Variants in PTK2 observed in about 807,000 individuals in gnomAD.
PTK2 encodes the protein focal adhesion kinase 1.
PTK2 carries 45 observed loss-of-function variants against 150.1 expected under a neutral mutation model. That is an observed-to-expected ratio of 0.30 (90% CI 0.24 to 0.38). The LOEUF (loss-of-function observed/expected upper bound fraction) is 0.38, where lower values mean the gene tolerates loss of function less well. Ranked by LOEUF, PTK2 falls within the 10% of genes least tolerant of loss-of-function variation. The pLI, the probability that PTK2 is intolerant of heterozygous loss-of-function variation, is 1.00. For missense variants in PTK2, 919 were observed against 1,307.3 expected (o/e 0.70, Z 4.58); for synonymous variants, 432 against 449.2 (o/e 0.96, Z 0.48).
At chr8:140,965,800 C>T (rs1442111185) in intron 1 of PTK2, among the ~76,000 whole-genome samples, 1 of 152,182 alleles carries the variant, frequency 6.6e-6, no homozygotes, top group African/African-American at 2.4e-5. Context: ...TCACTCGAAT[C>T]CAGGAGGAAG....
chr8:140,912,543 A>G (rs776547964), intron 2 of PTK2, among the ~76,000 whole-genome samples: 50 of 152,142 alleles, frequency 3.3e-4, no homozygotes, highest in Non-Finnish European at 5.3e-4. Context: ...AGAAAAACTC[A>G]TATGAGCAAC....
intron 16 of PTK2, among the ~76,000 whole-genome samples, chr8:140,759,529 C>CT (rs991099039): frequency 9.3e-5 from 3 of 32,118 alleles, no homozygotes; most frequent in Non-Finnish European, 1.4e-4. Flanking sequence ...AGACCCTGTC[C>CT]TAAAAAAAAA....
intron 2 of PTK2, among the ~76,000 whole-genome samples, chr8:140,898,952 GCT>G (rs973440660): frequency 3.3e-5 from 5 of 152,304 alleles, no homozygotes; most frequent in Admixed American, 3.3e-4. Context: ...AACTTGAAGA[GCT>G]TTAAGAATCT....
At chr8:140,686,591 G>A in intron 27 of PTK2, 41 bp downstream of exon 30, 2 of 1,536,934 alleles carry the variant, frequency 1.3e-6, no homozygotes, top group Non-Finnish European at 1.8e-6. Context: ...TCCACGCACA[G>A]GAGAACTGGA....
Position 140,711,322 on chromosome 8 carries a change from G to A in PTK2, c.2143-5117C>T, listed in dbSNP as rs543821626. Among the ~76,000 whole-genome samples the A allele has an allele frequency of 8.5e-5, 13 of 152,306 alleles. No individual in the cohort carries two copies. The South Asian group carries it at 2.7e-3, about 32-fold the overall frequency. ...GGGTTTCGCCATGTTGCCCAGGCTGGTCTCGAACTACTGGCCTCAAGTGAT... is the reference window on the plus strand; with the variant it reads ...GGGTTTCGCCATGTTGCCCAGGCTGATCTCGAACTACTGGCCTCAAGTGAT... On this transcript the variant is annotated intron_variant, in intron 23 of 31. Coordinates refer to ENST00000522684, the Ensembl canonical transcript of PTK2.
intron 10 of PTK2, among the ~76,000 whole-genome samples, chr8:140,808,599 T>A (rs770725095): frequency 6.6e-6 from 1 of 152,102 alleles, no homozygotes; most frequent in Non-Finnish European, 1.5e-5. Context: ...TAAGCCAATA[T>A]GAAATTTTTG....
At chr8:140,675,542 C>A (rs6998337) in intron 27 of PTK2, 43 bp from the exon 31 acceptor site, 1,167,638 of 1,470,176 alleles carry the variant, frequency 0.79, 466,486 homozygotes, top group African/African-American at 0.86. Context: ...GGTATATACA[C>A]TTGGGCAATG....
chr8:140,780,128 G>A (rs886899622), intron 14 of PTK2, among the ~76,000 whole-genome samples: 1 of 152,152 alleles, frequency 6.6e-6, no homozygotes, highest in Non-Finnish European at 1.5e-5. Flanking sequence ...TGCTCCCGAG[G>A]GTAATGAAGC....
intron 23 of PTK2, among the ~76,000 whole-genome samples, chr8:140,716,538 C>T (rs954729332): frequency 1.2e-4 from 18 of 152,194 alleles, no homozygotes; most frequent in Non-Finnish European, 8.8e-5. Flanking sequence ...CACCCTCTGT[C>T]TCTAAACTTC....
At chr8:140,739,225 T>G in intron 20 of PTK2, 118 bp from the exon 24 acceptor site, 1 of 558,020 alleles carries the variant, frequency 1.8e-6, no homozygotes, top group Non-Finnish European at 2.9e-6. Context: ...CCCTTGAGGC[T>G]TCCATTTATT....
intron 31 of PTK2, among the ~76,000 whole-genome samples, chr8:140,662,284 C>CA (rs1335831399): frequency 6.7e-6 from 1 of 150,280 alleles, no homozygotes; most frequent in Non-Finnish European, 1.5e-5. Flanking sequence ...GTGACAGAGA[C>CA]AGACCCTGTC....
Position 140,662,630 on chromosome 8 carries a change from T to C in PTK2, c.2946+2287A>G, listed in dbSNP as rs1233529687. 4 of 523,658 alleles carry C rather than the reference T, an allele frequency of 7.6e-6. No individual in the cohort carries two copies. In the East Asian group the frequency reaches 1.2e-4, roughly 15 times the overall value. The allele number at this position is 523,658 out of a possible 1,614,324, so 32.4% of individuals were successfully genotyped here. On this transcript the variant is annotated intron_variant, in intron 31 of 31. Coordinates refer to ENST00000522684, the Ensembl canonical transcript of PTK2. ...AAACAAGTTAAAGGGTTTATGCATATGAATCAATGCCACTTACAAAGGAAT... is the reference window on the plus strand; with the variant it reads ...AAACAAGTTAAAGGGTTTATGCATACGAATCAATGCCACTTACAAAGGAAT...
intron 10 of PTK2, among the ~76,000 whole-genome samples, chr8:140,815,202 C>T (rs1009190826): frequency 2.0e-5 from 3 of 151,280 alleles, no homozygotes; most frequent in Admixed American, 6.6e-5. Context: ...GGTACATGCA[C>T]ACCATGGAAT....
chr8:140,667,040 C>T lies in PTK2; in HGVS notation c.2865+1229G>A, dbSNP rs147120556. ...ACAAAAAGACAAATACAGTATGATT[C>T]CACTTATAAGCGGTACCTAGGGTAG... On this transcript the variant is annotated intron_variant, in intron 30 of 31. Transcript: ENST00000522684. Among the ~76,000 whole-genome samples the T allele has an allele frequency of 9.0e-3, 1,368 of 152,212 alleles. 13 individuals carry two copies. The highest frequency in any genetic ancestry group is 0.017 in the Middle Eastern group (5 of 294).
In PTK2 at chr8:140,818,361, A is replaced by C; in HGVS notation, c.790-7T>G. ...CTGAAATAATCCAGCTTGACTTTTG[A>C]AGGTGAAACAAGTGAGAACAGAGGT... On this transcript the variant is annotated splice_polypyrimidine_tract_variant and splice_region_variant and intron_variant, in intron 9 of 31. Transcript: ENST00000522684. 1 of 1,610,012 alleles carries C rather than the reference A, an allele frequency of 6.2e-7. No homozygotes were observed.
At chr8:140,936,472 C>T (rs548545505) in intron 1 of PTK2, among the ~76,000 whole-genome samples, 2 of 152,180 alleles carry the variant, frequency 1.3e-5, no homozygotes, top group South Asian at 4.1e-4. Flanking sequence ...TTGTTAGGCC[C>T]ATTTTCTACC....
At position 140,879,714 on chromosome 8, in the gene PTK2, AAAAAC is replaced by A. The variant is rs566028601; in HGVS notation, c.196-82_196-78del. The A allele has an allele frequency of 1.3e-3, 1,534 of 1,167,682 alleles. 6 individuals carry two copies. The highest frequency in any genetic ancestry group is 1.6e-3 in the Admixed American group (50 of 31,770). 72.3% of individuals were successfully genotyped at this position (1,167,682 alleles called of 1,614,324 possible). On this transcript the variant is annotated intron_variant, in intron 3 of 31. Transcript: ENST00000522684. ...AAAAAAAAAAAAACCAAAACAAAAC[AAAAAC>A]AAAACAAAAAAAAAACTATATGCTA...
At chr8:140,705,251 A>G (rs1290435927) in intron 24 of PTK2, among the ~76,000 whole-genome samples, 1 of 152,170 alleles carries the variant, frequency 6.6e-6, no homozygotes, top group African/African-American at 2.4e-5. Context: ...TTTTGACCCA[A>G]GAGGCCTTAA....
At position 140,752,162 on chromosome 8, in the gene PTK2, C is replaced by T; in HGVS notation, c.1417+70G>A. On this transcript the variant is annotated intron_variant, in intron 17 of 31. Transcript: ENST00000522684. ...AGTCAAAACACTATTTTTCTTATTTCTTCAGAGACAGTTTGGATTTCACAG... is the reference window on the plus strand; with the variant it reads ...AGTCAAAACACTATTTTTCTTATTTTTTCAGAGACAGTTTGGATTTCACAG... 6 of 1,291,920 alleles carry T rather than the reference C, an allele frequency of 4.6e-6. No homozygotes were observed. In the Admixed American group the frequency reaches 1.1e-4, roughly 24 times the overall value. 80.0% of individuals were successfully genotyped at this position (1,291,920 alleles called of 1,614,324 possible).
Sources: gnomAD v4.1 joint callset for allele counts (sites outside exome capture counted in the v4.1 genomes callset) on GRCh38, gnomAD v4.1.1 for gene constraint, MANE v1.5 for transcripts, NCBI Gene and HGNC (gene_info 2026-07-23, HGNC 2026-07-21) for gene names.